Variants in TBC1D9 observed in about 807,000 individuals in gnomAD.
The protein encoded by TBC1D9 is TBC1 domain family member 9, also known as TBC1 domain family member 9A.
In TBC1D9, 63 loss-of-function variants were observed where a neutral mutation model predicts 132.0. The observed-to-expected ratio is 0.48, with a 90% CI of 0.39 to 0.59. TBC1D9 has a LOEUF of 0.59. Among genes scored for constraint, TBC1D9 ranks in the 20% least tolerant of loss-of-function variants. TBC1D9 has a pLI of 0.00. For missense variants in TBC1D9, 1,261 were observed against 1,592.7 expected, an observed-to-expected ratio of 0.79 and a Z score of 3.54; for synonymous variants, 610 against 609.9, an observed-to-expected ratio of 1.00 and a Z score of 0.00.
intron 13 of TBC1D9, among the ~76,000 whole-genome samples, chr4:140,654,779 C>T (rs1737239917): frequency 6.6e-6 from 1 of 152,028 alleles, no homozygotes; most frequent in African/African-American, 2.4e-5. Flanking sequence ...GGAAATTAGA[C>T]AGTGTGTGCC....
intron 2 of TBC1D9, among the ~76,000 whole-genome samples, chr4:140,699,653 T>G (rs1257982807): frequency 2.0e-5 from 3 of 152,106 alleles, no homozygotes; most frequent in Non-Finnish European, 4.4e-5. Context: ...TCTGAGAAAC[T>G]TCCACAGCCC....
At chr4:140,728,787 C>G (rs906672381) in intron 1 of TBC1D9, among the ~76,000 whole-genome samples, 1 of 152,178 alleles carries the variant, frequency 6.6e-6, no homozygotes, top group East Asian at 1.9e-4. Context: ...CTCAGCCTCT[C>G]AAGTAGCTGG....
Position 140,678,944 on chromosome 4 carries a change from T to C in TBC1D9, c.849A>G (p.Lys283=). The C allele has an allele frequency of 6.2e-7, 1 of 1,613,676 alleles. No individual in the cohort carries two copies. Among genetic ancestry groups the C allele is most frequent in the African/African-American group, 1.3e-5 (1 of 75,036 alleles). Residue 283 remains lysine, a splice_region_variant and synonymous_variant, in exon 5 of 21, where the codon AAA becomes AAG. Coordinates refer to ENST00000442267, the MANE Select transcript of TBC1D9 (RefSeq NM_015130.3). ...RKSPKKVSAL[K]RDLDARAKSE... ...GATACAAGGTCTCTATCACCCACCG[T>C]TTTAGAGCAGACACTTTTTTAGGAG...
chr4:140,692,669 T>G (rs1737894255), intron 2 of TBC1D9, among the ~76,000 whole-genome samples: 1 of 152,178 alleles, frequency 6.6e-6, no homozygotes, highest in Non-Finnish European at 1.5e-5. Context: ...AAGATGATAA[T>G]GATAATGCCT....
chr4:140,720,982 C>A (rs943146658), intron 1 of TBC1D9, among the ~76,000 whole-genome samples: 14 of 152,188 alleles, frequency 9.2e-5, no homozygotes, highest in African/African-American at 3.4e-4. Flanking sequence ...GGAAAGTGCT[C>A]TTTCACCGAG....
At chr4:140,665,338 A>G (rs1268443932) in intron 9 of TBC1D9, among the ~76,000 whole-genome samples, 1 of 152,152 alleles carries the variant, frequency 6.6e-6, no homozygotes, top group African/African-American at 2.4e-5. Context: ...TTTTAGGAAA[A>G]ATCTGATAAT....
At chr4:140,741,737 CAG>C (rs1346590114) in intron 1 of TBC1D9, among the ~76,000 whole-genome samples, 1 of 152,098 alleles carries the variant, frequency 6.6e-6, no homozygotes, top group Admixed American at 6.6e-5. Flanking sequence ...AAAAACAAAA[CAG>C]AGACATTTAC....
At chr4:140,701,790 C>T (rs1578847477) in intron 1 of TBC1D9, among the ~76,000 whole-genome samples, 176 bp from the exon 2 acceptor site, 1 of 152,308 alleles carries the variant, frequency 6.6e-6, no homozygotes, top group Admixed American at 6.5e-5. Flanking sequence ...AGTTGCACAA[C>T]TTGACAAGGT....
chr4:140,745,457 C>T (rs1469126740), intron 1 of TBC1D9, among the ~76,000 whole-genome samples: 3 of 152,198 alleles, frequency 2.0e-5, no homozygotes, highest in Admixed American at 2.0e-4. Context: ...GACAGCAATA[C>T]CAATCCCTCC....
In TBC1D9 at chr4:140,754,372, G is replaced by A. The variant is rs995425243; in HGVS notation, c.130+1544C>T. On this transcript the variant is annotated intron_variant, in intron 1 of 20. Transcript: ENST00000442267. ...CTCACGCCTTTAATCCCAGCACTTC[G>A]GGAGGCCAAAGTGGGCGGATTATTT... Among the ~76,000 whole-genome samples, 14 of 152,018 alleles carry A rather than the reference G, an allele frequency of 9.2e-5. No homozygotes were observed. In the South Asian group the frequency reaches 2.1e-3, roughly 23 times the overall value.
chr4:140,718,831 C>CA (rs1393076363), intron 1 of TBC1D9, among the ~76,000 whole-genome samples: 2 of 152,100 alleles, frequency 1.3e-5, no homozygotes, highest in Non-Finnish European at 2.9e-5. Context: ...GTAATCCCAG[C>CA]ACTTTGGGAG....
chr4:140,755,873 C>G (rs939322050), intron 1 of TBC1D9, 43 bp downstream of exon 1: 2 of 1,491,340 alleles, frequency 1.3e-6, no homozygotes, highest in Admixed American at 2.2e-5. Flanking sequence ...GGCGCCGCAG[C>G]GCTCCCGGCT....
At chr4:140,680,479 T>C (rs1737686545) in intron 3 of TBC1D9, among the ~76,000 whole-genome samples, 1 of 152,152 alleles carries the variant, frequency 6.6e-6, no homozygotes, top group Non-Finnish European at 1.5e-5. Flanking sequence ...TATAATAACT[T>C]GAGAAGCCAT....
chr4:140,710,224 T>C (rs1011715724), intron 1 of TBC1D9, among the ~76,000 whole-genome samples: 5 of 152,196 alleles, frequency 3.3e-5, no homozygotes, highest in Non-Finnish European at 5.9e-5. Flanking sequence ...TTTTGTTGTA[T>C]GTTTATCCCG....
At chr4:140,660,382 A>G (rs1385478207) in intron 10 of TBC1D9, among the ~76,000 whole-genome samples, 3 of 152,262 alleles carry the variant, frequency 2.0e-5, no homozygotes, top group African/African-American at 4.8e-5. Context: ...ATCATATTAG[A>G]GGCCAACTAC....
At chr4:140,704,391 A>G (rs1278346266) in intron 1 of TBC1D9, among the ~76,000 whole-genome samples, 2 of 137,432 alleles carry the variant, frequency 1.5e-5, no homozygotes, top group Non-Finnish European at 3.0e-5. Context: ...ACAGAGCAAG[A>G]CTCTGTCTCA....
chr4:140,671,052 A>G (rs4956473), intron 6 of TBC1D9, 126 bp from the exon 7 acceptor site: 380,626 of 733,250 alleles, frequency 0.52, 98,175 homozygotes, highest in Middle Eastern at 0.6. Context: ...ATTTTATTGA[A>G]GCAAAACTGA....
chr4:140,627,292 T>C, intron 18 of TBC1D9, 149 bp downstream of exon 18: 1 of 589,498 alleles, frequency 1.7e-6, no homozygotes, highest in Non-Finnish European at 3.1e-6. Context: ...AGTTGCCTAA[T>C]CTCAAAAACT....
At chr4:140,729,669 A>C (rs1738556477) in intron 1 of TBC1D9, among the ~76,000 whole-genome samples, 1 of 151,922 alleles carries the variant, frequency 6.6e-6, no homozygotes, top group Non-Finnish European at 1.5e-5. Flanking sequence ...AATACAAAAA[A>C]ATTGGCTGGG....
Sources: allele counts gnomAD v4.1 joint callset (sites outside exome capture counted in the v4.1 genomes callset), GRCh38; gene constraint gnomAD v4.1.1; transcripts MANE v1.5; gene names NCBI Gene and HGNC (gene_info 2026-07-23, HGNC 2026-07-21).